Variants in ANAPC4 observed in about 807,000 individuals in gnomAD.
The protein encoded by ANAPC4 is anaphase-promoting complex subunit 4.
In ANAPC4, 63 loss-of-function variants were observed where a neutral mutation model predicts 119.8. The observed-to-expected ratio is 0.53, with a 90% CI of 0.43 to 0.65. The LOEUF is 0.65. Among genes scored for constraint, ANAPC4 ranks in the 30% least tolerant of loss-of-function variants. The pLI, the probability that ANAPC4 is intolerant of heterozygous loss-of-function variation, is 0.00. For synonymous variants in ANAPC4, 283 were observed against 318.6 expected (o/e 0.89, Z 1.19); for missense variants, 716 against 945.1 (o/e 0.76, Z 3.18).
Position 25,394,908 on chromosome 4 carries a change from A to C in ANAPC4, c.1061+3A>C, listed in dbSNP as rs1722555030. On this transcript the variant is annotated splice_donor_region_variant and intron_variant, in intron 14 of 28. Transcript: ENST00000315368. ...TTGGTCATAAGTCATTTACAGAGGT[A>C]TGAAGGTGACGTAGAATTTTTTGGT... The C allele has an allele frequency of 6.2e-7, 1 of 1,610,366 alleles. No homozygotes were observed. Among genetic ancestry groups the C allele is most frequent in the Non-Finnish European group, 8.5e-7 (1 of 1,178,268 alleles).
Position 25,406,885 on chromosome 4 carries a change from G to A in ANAPC4, c.1374G>A (p.Glu458=). The change falls in exon 19 of 29, where the codon GAG becomes GAA. Residue 458 remains glutamate (E), a splice_region_variant and synonymous_variant. Coordinates refer to ENST00000315368, the MANE Select transcript of ANAPC4 (RefSeq NM_013367.3). The part of the protein sequence containing the change: ...VAEFLTEHFN[E]APDLYNRKGK... ...AATTTCTTACTGAACATTTCAATGA[G>A]GTAAGAAGTTGATATTTCTGTAATG... 6.3e-7 allele frequency: 1 copy of A among 1,592,044 alleles called. No homozygotes were observed. Among genetic ancestry groups the A allele is most frequent in the Admixed American group, 1.8e-5 (1 of 57,040 alleles).
chr4:25,391,549 C>T (rs1354434232), intron 9 of ANAPC4, among the ~76,000 whole-genome samples: 1 of 152,206 alleles, frequency 6.6e-6, no homozygotes, highest in Non-Finnish European at 1.5e-5. Context: ...CACATTGCAT[C>T]TTGTGTAAAA....
At position 25,394,236 on chromosome 4, in the gene ANAPC4, C is replaced by T. The variant is rs1010980322; in HGVS notation, c.877-74C>T. On this transcript the variant is annotated intron_variant, in intron 11 of 28. Transcript: ENST00000315368. ...TAAGGCAAGGAAAGGGAGTCATGCT[C>T]CTATAATTTTGAATAAATATGCTTA... 2.5e-6 allele frequency: 3 copies of T among 1,206,956 alleles called. No homozygotes were observed. The Admixed American group carries it at 8.0e-5, about 32-fold the overall frequency. The allele number at this position is 1,206,956 out of a possible 1,614,324, so 74.8% of individuals were successfully genotyped here. A position where few individuals can be genotyped will look rare whatever the true frequency, so the allele number is the denominator to read the frequency against.
chr4:25,397,740 A>G (rs1380978475), intron 16 of ANAPC4, among the ~76,000 whole-genome samples: 6 of 119,634 alleles, frequency 5.0e-5, no homozygotes, highest in Admixed American at 3.5e-4. Flanking sequence ...TTAGCCCTTT[A>G]TAGTTTTTTT....
Position 25,402,934 on chromosome 4 carries a change from T to C in ANAPC4, c.1215-37T>C, listed in dbSNP as rs781629136. On this transcript the variant is annotated intron_variant, in intron 16 of 28. Coordinates refer to ENST00000315368, the MANE Select transcript of ANAPC4 (RefSeq NM_013367.3). ...TAGGATGTATGAATCCCCCACACAC[T>C]AATCTTATTTCTGATTTTTTGTTTT... 2.9e-5 allele frequency: 37 copies of C among 1,277,502 alleles called. No individual in the cohort carries two copies. The Admixed American group carries it at 7.3e-4, about 25-fold the overall frequency. The allele number at this position is 1,277,502 out of a possible 1,614,324, so 79.1% of individuals were successfully genotyped here.
chr4:25,401,353 A>T (rs932259631), intron 16 of ANAPC4, among the ~76,000 whole-genome samples: 6 of 152,200 alleles, frequency 3.9e-5, no homozygotes, highest in Non-Finnish European at 8.8e-5. Context: ...ACTGGTGCCC[A>T]CGTGAAAGTG....
intron 27 of ANAPC4, 154 bp from the exon 28 acceptor site, chr4:25,417,462 G>A: frequency 1.3e-6 from 1 of 766,238 alleles, no homozygotes; most frequent in Non-Finnish European, 1.9e-6. Flanking sequence ...TTATATCACA[G>A]CTTTTTTTCT....
At chr4:25,389,720 T>C (rs185708037) in intron 7 of ANAPC4, among the ~76,000 whole-genome samples, 2 of 152,336 alleles carry the variant, frequency 1.3e-5, no homozygotes, top group African/African-American at 4.8e-5. Flanking sequence ...TTTTAATAAG[T>C]TAAAGGATAT....
Position 25,394,906 on chromosome 4 carries a change from G to C in ANAPC4, c.1061+1G>C. 11 of 1,609,816 alleles carry C rather than the reference G, an allele frequency of 6.8e-6. No homozygotes were observed. The highest frequency in any genetic ancestry group is 9.3e-6 in the Non-Finnish European group (11 of 1,177,900). ...AATTGGTCATAAGTCATTTACAGAG[G>C]TATGAAGGTGACGTAGAATTTTTTG... On this transcript the variant is annotated splice_donor_variant, in intron 14 of 28. Transcript: ENST00000315368. LOFTEE classifies it high-confidence loss of function.
intron 21 of ANAPC4, among the ~76,000 whole-genome samples, chr4:25,412,284 C>T (rs943866777): frequency 6.6e-6 from 1 of 152,000 alleles, no homozygotes; most frequent in Non-Finnish European, 1.5e-5. Context: ...CCTCATTGTC[C>T]CAGTGTATTT....
Position 25,414,713 on chromosome 4 carries a change from C to CCTG in ANAPC4, c.1826+13_1826+14insCTG. On this transcript the variant is annotated intron_variant, in intron 25 of 28. Transcript: ENST00000315368. ...CTGATATTTCTCAGTAAGTATTAAT[C>CCTG]TGAAGTTTGAATCAAAGAGATAAGA... The CCTG allele has an allele frequency of 6.7e-7, 1 of 1,488,886 alleles. No homozygotes were observed. The highest frequency in any genetic ancestry group is 1.3e-5 in the South Asian group (1 of 74,386). The allele number at this position is 1,488,886 out of a possible 1,614,324, so 92.2% of individuals were successfully genotyped here. A position where few individuals can be genotyped will look rare whatever the true frequency, so the allele number is the denominator to read the frequency against.
chr4:25,416,282 C>A, intron 26 of ANAPC4, 143 bp from the exon 27 acceptor site: 3 of 467,816 alleles, frequency 6.4e-6, no homozygotes, highest in South Asian at 1.3e-4. Context: ...TAATACAAAC[C>A]AATGATATAT....
intron 10 of ANAPC4, 79 bp from the exon 11 acceptor site, chr4:25,393,726 G>T: frequency 1.3e-6 from 1 of 746,594 alleles, no homozygotes; most frequent in East Asian, 3.0e-5. Context: ...TGAGACACTT[G>T]ATCATAAGCA....
At chr4:25,387,592 A>G (rs1174822088) in intron 4 of ANAPC4, among the ~76,000 whole-genome samples, 1 of 152,192 alleles carries the variant, frequency 6.6e-6, no homozygotes, top group Non-Finnish European at 1.5e-5. Context: ...ACTTTCTACT[A>G]ACAGTTTAGA....
In ANAPC4 at chr4:25,390,223, A is replaced by G; in HGVS notation, c.600+3A>G. On this transcript the variant is annotated splice_donor_region_variant and intron_variant, in intron 8 of 28. Coordinates refer to ENST00000315368, the MANE Select transcript of ANAPC4 (RefSeq NM_013367.3). Reference sequence around the variant, plus strand: ...TTAAAATTGCTCGAGTCACAGGGGTAAGATTTCTTTAACATTTTCTCTTCC... The same window carrying G: ...TTAAAATTGCTCGAGTCACAGGGGTGAGATTTCTTTAACATTTTCTCTTCC... The G allele has an allele frequency of 3.1e-6, 5 of 1,599,958 alleles. No individual in the cohort carries two copies. The highest frequency in any genetic ancestry group is 4.3e-6 in the Non-Finnish European group (5 of 1,169,434).
In ANAPC4 at chr4:25,394,651, T is replaced by C. The variant is rs1297164853; in HGVS notation, c.942-20T>C. 4 of 1,579,430 alleles carry C rather than the reference T, an allele frequency of 2.5e-6. No individual in the cohort carries two copies. The highest frequency in any genetic ancestry group is 1.7e-4 in the Middle Eastern group (1 of 5,840). ...TTTCCAATAGAGAAGTGACTAAAAA[T>C]ACTTTGTTTTTCATTGTAGTGCTGA... On this transcript the variant is annotated intron_variant, in intron 12 of 28. Transcript: ENST00000315368.
Position 25,416,500 on chromosome 4 carries a change from T to C in ANAPC4, c.1977T>C (p.Arg659=), listed in dbSNP as rs768697677. Residue 659 remains arginine, a synonymous_variant, in exon 27 of 29, where the codon CGT becomes CGC. Coordinates refer to ENST00000315368, the MANE Select transcript of ANAPC4 (RefSeq NM_013367.3). ...VTVVLKDTVG[R]EGRDRLLVQL... is the part of the protein sequence containing the mutation. ...TAGTTCTTAAAGACACTGTAGGACGTGAAGGAAGAGATAGACTCTTGGTCC... is the reference window on the plus strand; with the variant it reads ...TAGTTCTTAAAGACACTGTAGGACGCGAAGGAAGAGATAGACTCTTGGTCC... 2 of 1,608,170 alleles carry C rather than the reference T, an allele frequency of 1.2e-6. No individual in the cohort carries two copies. Among genetic ancestry groups the C allele is most frequent in the Non-Finnish European group, 1.7e-6 (2 of 1,175,872 alleles).
In ANAPC4 at chr4:25,417,623, G is replaced by C. The variant is rs1560451525; in HGVS notation, c.2083G>C (p.Glu695Gln). Residue 695 changes from glutamate to glutamine, a missense_variant, in exon 28 of 29, where the codon GAA (glutamate) becomes CAA (glutamine). Transcript: ENST00000315368. Reference protein sequence around the residue: ...FTGTYSTRLDEQCSAIPTRTM... With the variant: ...FTGTYSTRLDQQCSAIPTRTM... ...GTTTTTTTCCCTCTTTAGGCTAGATGAACAGTGTAGTGCTATTCCCACCCG... is the reference window on the plus strand; with the variant it reads ...GTTTTTTTCCCTCTTTAGGCTAGATCAACAGTGTAGTGCTATTCCCACCCG... 6.3e-7 allele frequency: 1 copy of C among 1,597,434 alleles called. No homozygotes were observed. The highest frequency in any genetic ancestry group is 8.5e-7 in the Non-Finnish European group (1 of 1,174,472).
At chr4:25,387,047 G>C (rs145718107) in intron 4 of ANAPC4, among the ~76,000 whole-genome samples, 1 of 151,564 alleles carries the variant, frequency 6.6e-6, no homozygotes, top group East Asian at 1.9e-4. Flanking sequence ...ACTTTTTTTT[G>C]TGTCTCAGTA....
Sources: allele counts gnomAD v4.1 joint callset (sites outside exome capture counted in the v4.1 genomes callset), GRCh38; gene constraint gnomAD v4.1.1; transcripts MANE v1.5; gene names NCBI Gene and HGNC (gene_info 2026-07-23, HGNC 2026-07-21).